Variants in MOGS observed in about 807,000 individuals in gnomAD.
MOGS encodes mannosyl-oligosaccharide glucosidase, also known as epididymis secretory sperm binding protein.
In MOGS, 45 loss-of-function variants were observed where a neutral mutation model predicts 68.5. The ratio of observed to expected loss-of-function variants is 0.66; its 90% CI spans 0.52 to 0.84. The LOEUF is 0.84. Among genes scored for constraint, MOGS ranks in the 40% least tolerant of loss-of-function variants. The pLI is 0.00. For missense variants in MOGS, 1,020 were observed against 1,095.0 expected (o/e 0.93, Z 0.97); for synonymous variants, 492 against 461.2 (o/e 1.07, Z -0.86).
Position 74,462,916 on chromosome 2 carries a change from C to T in MOGS, c.873G>A (p.Gly291=). The change falls in exon 4 of 4, where the codon GGG becomes GGA. Residue 291 remains glycine, a synonymous_variant. Coordinates refer to ENST00000448666, the MANE Select transcript of MOGS (RefSeq NM_006302.3). ...AGCCGAGGTAGCGTTCAGGGGGGGC[C>T]CCTGGGGGCCGATGCTGAAACCAGC... ...LNSWFQHRPP[G]APPERYLGLP... 6.2e-7 allele frequency: 1 copy of T among 1,614,162 alleles called. No homozygotes were observed. The highest frequency in any genetic ancestry group is 8.5e-7 in the Non-Finnish European group (1 of 1,180,046).
In MOGS at chr2:74,461,263, C is replaced by T. The variant is rs1671893528; in HGVS notation, c.*12G>A. The T allele has an allele frequency of 6.2e-7, 1 of 1,613,714 alleles. No homozygotes were observed. On this transcript the variant is annotated 3_prime_UTR_variant, in exon 4 of 4. Transcript: ENST00000448666. ...TGGCATGAGTGTCTTGGCTCCCCTC[C>T]TCTCCCTCCCTTCAGTAGTCTTCAG... is the stretch of plus-strand genomic sequence containing the variant.
Position 74,464,665 on chromosome 2 carries a change from C to T in MOGS, c.410G>A (p.Cys137Tyr), listed in dbSNP as rs762952481. ...GGGACCCACACCGTCCCCCTGCTCA[C>T]ACGTGTGCCTGAGCTTAGGAGTCCC... is the stretch of plus-strand genomic sequence containing the variant. ...TPGTPKLRHT[C>Y]EQGDGVGPYG... Residue 137 changes from cysteine (C) to tyrosine (Y), a missense_variant, in exon 2 of 4, where the codon TGT becomes TAT. Physicochemically the swap from Cys to Tyr is radical, Grantham distance 194 (BLOSUM62 -2). Coordinates refer to ENST00000448666, the MANE Select transcript of MOGS (RefSeq NM_006302.3). 5.0e-6 allele frequency: 8 copies of T among 1,614,098 alleles called. No homozygotes were observed. Among genetic ancestry groups the T allele is most frequent in the Non-Finnish European group, 6.8e-6 (8 of 1,180,028 alleles).
rs2103981412 is a variant in MOGS, at chr2:74,463,214, C to T, written c.752G>A (p.Gly251Glu). The T allele has an allele frequency of 6.2e-7, 1 of 1,614,148 alleles. No homozygotes were observed. The highest frequency in any genetic ancestry group is 8.5e-7 in the Non-Finnish European group (1 of 1,180,020). Residue 251 changes from glycine (G) to glutamate (E), a missense_variant, in exon 3 of 4, where the codon GGG becomes GAG. By Grantham distance (98) the Gly-to-Glu change is moderately conservative. This residue lies in a region of MOGS where 569 missense variants were observed against 571.9 expected (regional missense o/e 0.99). Transcript: ENST00000448666. ...RFTLLPPTSP[G>E]DTAPKYGSYN... ...CCTGCCATACTTGGGGGCTGTATCC[C>T]CTGGACTGGTTGGTGGCAAAAGTGT...
chr2:74,462,145 G>C lies in MOGS; in HGVS notation c.1644C>G (p.Leu548=), dbSNP rs766892735. 1.9e-6 allele frequency: 3 copies of C among 1,613,948 alleles called. No homozygotes were observed. The African/African-American group carries it at 4.0e-5, about 22-fold the overall frequency. ...LPRLHAWFSW[L]HQSQAGPLPL... is the part of the protein sequence containing the mutation. ...GCAGTGGGCCTGCCTGGCTCTGATG[G>C]AGCCAGGAAAACCAGGCATGCAGGC... The change falls in exon 4 of 4, where the codon CTC becomes CTG. Residue 548 remains leucine (L), a synonymous_variant. Coordinates refer to ENST00000448666, the MANE Select transcript of MOGS (RefSeq NM_006302.3).
In MOGS at chr2:74,462,715, G is replaced by T; in HGVS notation, c.1074C>A (p.Thr358=). 1.9e-6 allele frequency: 3 copies of T among 1,614,204 alleles called. No homozygotes were observed. Among genetic ancestry groups the T allele is most frequent in the Non-Finnish European group, 2.5e-6 (3 of 1,180,044 alleles). The change falls in exon 4 of 4, where the codon ACC becomes ACA. Residue 358 remains threonine, a synonymous_variant. Coordinates refer to ENST00000448666, the MANE Select transcript of MOGS (RefSeq NM_006302.3). The part of the protein sequence containing the change: ...ALPRLAGSLL[T]QALESHAEGF... The stretch of plus-strand genomic sequence containing the variant: ...CTTCAGCATGGCTCTCCAGGGCCTG[G>T]GTCAGTAGACTGCCTGCCAGTCTTG...
Position 74,462,085 on chromosome 2 carries a change from G to GGCAGGGTC in MOGS, c.1696_1703dup (p.Leu569ThrfsTer8). Reference sequence around the variant, plus strand: ...TCTTGGGGTTCAGTAAGGTTGGTAAGGCAGGGTCCCGTCCCCGCCAGCGGT... The same window carrying GGCAGGGTC: ...TCTTGGGGTTCAGTAAGGTTGGTAAGGCAGGGTCGCAGGGTCCCGTCCCCGCCAGCGGT... On this transcript the variant is annotated frameshift_variant, in exon 4 of 4. Coordinates refer to ENST00000448666, the MANE Select transcript of MOGS (RefSeq NM_006302.3). LOFTEE classifies it high-confidence loss of function. The GGCAGGGTC allele has an allele frequency of 6.2e-7, 1 of 1,614,192 alleles. No homozygotes were observed. The highest frequency in any genetic ancestry group is 8.5e-7 in the Non-Finnish European group (1 of 1,179,984).
In MOGS at chr2:74,462,719, A is replaced by G. The variant is rs1380670103; in HGVS notation, c.1070T>C (p.Leu357Pro). The change falls in exon 4 of 4, where the codon CTG becomes CCG. Residue 357 changes from leucine (L) to proline (P), a missense_variant. Leu to Pro is a moderately conservative substitution (Grantham distance 98). This residue lies in a region of MOGS where 569 missense variants were observed against 571.9 expected (regional missense o/e 0.99). Transcript: ENST00000448666. ...AGCATGGCTCTCCAGGGCCTGGGTC[A>G]GTAGACTGCCTGCCAGTCTTGGCAG... ...QALPRLAGSL[L>P]TQALESHAEG... 6.2e-7 allele frequency: 1 copy of G among 1,614,262 alleles called. No individual in the cohort carries two copies. The highest frequency in any genetic ancestry group is 1.3e-5 in the African/African-American group (1 of 75,078).
At position 74,464,496 on chromosome 2, in the gene MOGS, C is replaced by G. The variant is rs753858198; in HGVS notation, c.579G>C (p.Gln193His). 1.6e-5 allele frequency: 26 copies of G among 1,613,856 alleles called. No homozygotes were observed. The highest frequency in any genetic ancestry group is 2.0e-5 in the Non-Finnish European group (24 of 1,180,020). Residue 193 changes from glutamine (Q) to histidine (H), a missense_variant and splice_region_variant, in exon 2 of 4, where the codon CAG (glutamine) becomes CAC (histidine). Gln to His is a conservative substitution (Grantham distance 24, BLOSUM62 0). This residue lies in a region of MOGS where 569 missense variants were observed against 571.9 expected (regional missense o/e 0.99). Transcript: ENST00000448666. ...GAAAAGGGTGTCCTGAGGCCCTGAC[C>G]TGAGGCTCTACAGTCACTCTCCAGC... ...DWSWRVTVEP[Q>H]DSGTSALPLV... is the part of the protein sequence containing the mutation.
chr2:74,461,772 C>A lies in MOGS; in HGVS notation c.2017G>T (p.Val673Phe), dbSNP rs114933392. 1.2e-6 allele frequency: 2 copies of A among 1,614,106 alleles called. No homozygotes were observed. Among genetic ancestry groups the A allele is most frequent in the African/African-American group, 1.3e-5 (1 of 74,936 alleles). The stretch of plus-strand genomic sequence containing the variant: ...GGTTGGGGCCGACCCACCACCCGAA[C>A]GAGCCCCTGAGGGGGCCTGGGCTTC... Reference protein sequence around the residue: ...QLKPRPPQGLVRVVGRPQPQL... With the variant: ...QLKPRPPQGLFRVVGRPQPQL... Residue 673 changes from valine (V) to phenylalanine (F), a missense_variant, in exon 4 of 4, where the codon GTT becomes TTT. Around this residue, in one of 3 missense-constraint regions of MOGS, gnomAD observed 270 missense variants for 261.3 expected, o/e 1.03. Transcript: ENST00000448666.
Position 74,461,744 on chromosome 2 carries a change from T to C in MOGS, c.2045A>G (p.Gln682Arg). The part of the protein sequence containing the change: ...LVRVVGRPQP[Q>R]LQYVDALGYV... ...GCCAAGAGCATCTACATACTGCAGT[T>C]GAGGTTGGGGCCGACCCACCACCCG... The change falls in exon 4 of 4, where the codon CAA becomes CGA. Residue 682 changes from glutamine to arginine, a missense_variant. Gln to Arg is a conservative substitution (Grantham distance 43). This residue lies in a region of MOGS where 270 missense variants were observed against 261.3 expected (regional missense o/e 1.03). Coordinates refer to ENST00000448666, the MANE Select transcript of MOGS (RefSeq NM_006302.3). 1.2e-6 allele frequency: 2 copies of C among 1,614,092 alleles called. No homozygotes were observed. The highest frequency in any genetic ancestry group is 1.7e-6 in the Non-Finnish European group (2 of 1,180,006).
chr2:74,461,882 G>A lies in MOGS; in HGVS notation c.1907C>T (p.Ala636Val). The A allele has an allele frequency of 6.2e-7, 1 of 1,614,094 alleles. No homozygotes were observed. Among genetic ancestry groups the A allele is most frequent in the South Asian group, 1.1e-5 (1 of 91,090 alleles). Residue 636 changes from alanine to valine, a missense_variant, in exon 4 of 4, where the codon GCA becomes GTA. Transcript: ENST00000448666. ...GTGCAGCTCATCCAGGCTCTCTGCT[G>A]CCTCCAGTGAGGCAGCCAGTGGGCC... Reference protein sequence around the residue: ...ELGPLAASLEAAESLDELHWA... With the variant: ...ELGPLAASLEVAESLDELHWA...
Position 74,465,085 on chromosome 2 carries a change from G to C in MOGS, c.163C>G (p.Leu55Val). 3.9e-6 allele frequency: 6 copies of C among 1,555,448 alleles called. No homozygotes were observed. Among genetic ancestry groups the C allele is most frequent in the Non-Finnish European group, 5.2e-6 (6 of 1,151,972 alleles). ...ALAVVVLSLA[L>V]GMSGRWVLAW... ...AGCACCCAGCGCCCCGACATACCCA[G>C]GGCCAAAGACAGGACCACGACGGCC... The change falls in exon 1 of 4, where the codon CTG (leucine) becomes GTG (valine). Residue 55 changes from leucine (L) to valine (V), a missense_variant. This residue lies in a region of MOGS where 569 missense variants were observed against 571.9 expected (regional missense o/e 0.99). Coordinates refer to ENST00000448666, the MANE Select transcript of MOGS (RefSeq NM_006302.3).
rs781460889 is a variant in MOGS at position 74,461,415 on chromosome 2, C to A, written c.2374G>T (p.Val792Leu). The A allele has an allele frequency of 6.2e-7, 1 of 1,614,246 alleles. No homozygotes were observed. Among genetic ancestry groups the A allele is most frequent in the Non-Finnish European group, 8.5e-7 (1 of 1,180,054 alleles). The change falls in exon 4 of 4, where the codon GTA becomes TTA. Residue 792 changes from valine (V) to leucine (L), a missense_variant. Around this residue, in one of 3 missense-constraint regions of MOGS, gnomAD observed 270 missense variants for 261.3 expected, o/e 1.03. Coordinates refer to ENST00000448666, the MANE Select transcript of MOGS (RefSeq NM_006302.3). Reference sequence around the variant, plus strand: ...TGGTACTGGCGCCATACATTGCCTACCACGTTGGCACGGAGCTCACCGTGG... The same window carrying A: ...TGGTACTGGCGCCATACATTGCCTAACACGTTGGCACGGAGCTCACCGTGG... ...KLHGELRANV[V>L]GNVWRQYQAT...
At position 74,465,015 on chromosome 2, in the gene MOGS, G is replaced by GGCGCGGAGTGCAGCGTGACC; in HGVS notation, c.213_232dup (p.Pro78ArgfsTer37). The GGCGCGGAGTGCAGCGTGACC allele has an allele frequency of 6.4e-7, 1 of 1,554,866 alleles. No homozygotes were observed. Among genetic ancestry groups the GGCGCGGAGTGCAGCGTGACC allele is most frequent in the Non-Finnish European group, 8.7e-7 (1 of 1,149,486 alleles). On this transcript the variant is annotated frameshift_variant, in exon 1 of 4. Transcript: ENST00000448666. LOFTEE classifies it high-confidence loss of function. ...GGAGGAGTCGGCAGGCAACACAGGA[G>GGCGCGGAGTGCAGCGTGACC]GCGCGGAGTGCAGCGTGACCGCCCG...
intron 2 of MOGS, among the ~76,000 whole-genome samples, chr2:74,463,865 G>A (rs1184562666): frequency 2.0e-5 from 3 of 150,800 alleles, no homozygotes; most frequent in African/African-American, 4.9e-5. Flanking sequence ...GGGTTTCACC[G>A]TGTTAGCCAG....
In MOGS at chr2:74,461,994, C is replaced by G. The variant is rs776436967; in HGVS notation, c.1795G>C (p.Asp599His). 3.1e-6 allele frequency: 5 copies of G among 1,614,218 alleles called. No homozygotes were observed. The highest frequency in any genetic ancestry group is 4.2e-6 in the Non-Finnish European group (5 of 1,180,040). The change falls in exon 4 of 4, where the codon GAC becomes CAC. Residue 599 changes from aspartate (D) to histidine (H), a missense_variant. Asp to His is a moderately conservative substitution (Grantham distance 81, BLOSUM62 -1). Transcript: ENST00000448666. ...CCCAGTGCCACCCAACATCGCAGGT[C>G]CAGGTGCCGCTCGGTTACTGAAGGG... is the stretch of plus-strand genomic sequence containing the variant. ...SHPSVTERHL[D>H]LRCWVALGAR...
In MOGS at chr2:74,462,332, C is replaced by T. The variant is rs121909291; in HGVS notation, c.1457G>A (p.Arg486Lys). 5.0e-6 allele frequency: 8 copies of T among 1,614,038 alleles called. No individual in the cohort carries two copies. In the South Asian group the frequency reaches 8.8e-5, roughly 18 times the overall value. ...GLLNADGWIG[R>K]EQILGDEARA... ...GGCCTCATCCCCCAGTATCTGCTCC[C>T]TCCCAATCCAGCCATCAGCATTTAG... Residue 486 changes from arginine to lysine, a missense_variant, in exon 4 of 4, where the codon AGG (arginine) becomes AAG (lysine). This residue lies in a region of MOGS where 181 missense variants were observed against 261.8 expected (regional missense o/e 0.69). Transcript: ENST00000448666.
chr2:74,463,324 C>T lies in MOGS; in HGVS notation c.642G>A (p.Lys214=), dbSNP rs1176981592. 6.2e-7 allele frequency: 1 copy of T among 1,614,070 alleles called. No homozygotes were observed. The highest frequency in any genetic ancestry group is 1.7e-5 in the Admixed American group (1 of 60,008). The change falls in exon 3 of 4, where the codon AAG becomes AAA. Residue 214 remains lysine, a synonymous_variant. Coordinates refer to ENST00000448666, the MANE Select transcript of MOGS (RefSeq NM_006302.3). ...SLFFYVVTDG[K]EVLLPEVGAK... ...CCCCAACCTCTGGTAGTAGGACTTC[C>T]TTGCCATCTGTCACCACATAGAAGA...
In MOGS at chr2:74,464,654, C is replaced by A; in HGVS notation, c.421G>T (p.Asp141Tyr). The change falls in exon 2 of 4, where the codon GAC becomes TAC. Residue 141 changes from aspartate to tyrosine, a missense_variant. Transcript: ENST00000448666. ...PKLRHTCEQG[D>Y]GVGPYGWEFH... ...TCCCAGCCATAGGGACCCACACCGT[C>A]CCCCTGCTCACACGTGTGCCTGAGC... The A allele has an allele frequency of 1.9e-6, 3 of 1,614,100 alleles. No homozygotes were observed. Among genetic ancestry groups the A allele is most frequent in the Non-Finnish European group, 2.5e-6 (3 of 1,180,028 alleles).
Sources: allele counts gnomAD v4.1 joint callset (sites outside exome capture counted in the v4.1 genomes callset), GRCh38; gene constraint gnomAD v4.1.1; regional missense constraint gnomAD v4.1.1; transcripts MANE v1.5; gene names NCBI Gene and HGNC (gene_info 2026-07-23, HGNC 2026-07-21).